Variants in INPP5A observed in about 807,000 individuals in gnomAD.
INPP5A encodes the protein 43 kDa inositol polyphosphate 5-phophatase.
Under a neutral mutation model 65.2 loss-of-function variants are expected in INPP5A, and 14 were observed. The ratio of observed to expected loss-of-function variants is 0.21; its 90% confidence interval spans 0.14 to 0.34. INPP5A has a LOEUF of 0.34. INPP5A is among the 10% of genes least tolerant of loss of function. INPP5A has a pLI of 1.00. For missense variants in INPP5A, 431 were observed against 545.6 expected (o/e 0.79, Z 2.09); for synonymous variants, 207 against 208.3 (o/e 0.99, Z 0.05).
chr10:132,585,853 G>A (rs933411941), intron 1 of INPP5A, among the ~76,000 whole-genome samples: 25 of 152,060 alleles, frequency 1.6e-4, no homozygotes, highest in Non-Finnish European at 1.8e-4. Context: ...GTGTCCTTTC[G>A]GGTGTCCACT....
chr10:132,604,307 G>A (rs1034110188), intron 1 of INPP5A, among the ~76,000 whole-genome samples: 2 of 149,942 alleles, frequency 1.3e-5, no homozygotes, highest in Admixed American at 1.3e-4. Flanking sequence ...TGCTGTCAGG[G>A]TCCCCTCTCT....
intron 2 of INPP5A, among the ~76,000 whole-genome samples, chr10:132,629,630 T>G (rs2072238353): frequency 6.6e-6 from 1 of 152,264 alleles, no homozygotes; most frequent in Non-Finnish European, 1.5e-5. Flanking sequence ...GCTGCGTGGT[T>G]TGGCCCTTCC....
intron 9 of INPP5A, among the ~76,000 whole-genome samples, chr10:132,739,451 C>G (rs768685993): frequency 3.3e-5 from 5 of 152,238 alleles, no homozygotes; most frequent in Non-Finnish European, 7.3e-5. Flanking sequence ...TCATCCTTAC[C>G]CTGCACCTGC....
intron 12 of INPP5A, among the ~76,000 whole-genome samples, chr10:132,775,080 G>A (rs188606734): frequency 2.7e-3 from 13 of 4,766 alleles, no homozygotes; most frequent in Non-Finnish European, 4.1e-3. Flanking sequence ...AGGGGCAGGG[G>A]GGAGGGGCAG....
intron 12 of INPP5A, among the ~76,000 whole-genome samples, chr10:132,769,238 T>C (rs1034188929): frequency 2.6e-5 from 4 of 152,242 alleles, no homozygotes; most frequent in African/African-American, 9.6e-5. Flanking sequence ...AAGGTGCTAA[T>C]ATTTCAGACA....
At chr10:132,567,880 T>G (rs2071291147) in intron 1 of INPP5A, among the ~76,000 whole-genome samples, 1 of 152,112 alleles carries the variant, frequency 6.6e-6, no homozygotes, top group Non-Finnish European at 1.5e-5. Context: ...TTACCACATC[T>G]GGCAAAAAAT....
intron 5 of INPP5A, among the ~76,000 whole-genome samples, chr10:132,690,812 A>T (rs1435617581): frequency 1.3e-5 from 2 of 152,200 alleles, no homozygotes; most frequent in African/African-American, 4.8e-5. Context: ...CCCTGCCGTG[A>T]ACAGCATCCC....
chr10:132,782,176 C>A lies in INPP5A; in HGVS notation c.*147C>A. The A allele has an allele frequency of 7.4e-7, 1 of 1,343,960 alleles. No homozygotes were observed. Among genetic ancestry groups the A allele is most frequent in the Non-Finnish European group, 1.0e-6 (1 of 972,046 alleles). The allele number at this position is 1,343,960 out of a possible 1,614,324, so 83.3% of individuals were successfully genotyped here. A position where few individuals can be genotyped will look rare whatever the true frequency, so the allele number is the denominator to read the frequency against. ...GGCCAGCCCCACACTTCGCTTCAGC[C>A]TCCGGACCATTCCGGAGCAGCCTCA... is the stretch of plus-strand genomic sequence containing the variant. On this transcript the variant is annotated 3_prime_UTR_variant, in exon 16 of 16. Transcript: ENST00000368594. The surrounding 1 kb of genome is among the most constrained non-coding windows in gnomAD (Gnocchi z 4.4).
intron 1 of INPP5A, among the ~76,000 whole-genome samples, chr10:132,605,550 C>T (rs1398969862): frequency 6.6e-6 from 1 of 151,808 alleles, no homozygotes; most frequent in African/African-American, 2.4e-5. Flanking sequence ...GGAAGTGACA[C>T]AGTGGCACTG....
intron 1 of INPP5A, among the ~76,000 whole-genome samples, chr10:132,601,072 C>T (rs2485639): frequency 0.25 from 37,482 of 152,150 alleles, 5,463 homozygotes; most frequent in East Asian, 0.5. Context: ...TTCTTCATAG[C>T]GATGGCACCA....
chr10:132,775,491 C>T (rs1591006920), intron 12 of INPP5A, among the ~76,000 whole-genome samples: 2 of 152,128 alleles, frequency 1.3e-5, no homozygotes, highest in Non-Finnish European at 2.9e-5. Context: ...GTGCAGTCCA[C>T]ACTGGCCTTC....
At chr10:132,754,833 T>C (rs1003501771) in intron 11 of INPP5A, among the ~76,000 whole-genome samples, 11 of 152,242 alleles carry the variant, frequency 7.2e-5, no homozygotes, top group African/African-American at 2.7e-4. Context: ...ACAACTTGCC[T>C]TGGGGTTGTT....
rs868770296 is a variant in INPP5A at position 132,753,128 on chromosome 10, C to A, written c.903+3283C>A. ...TTGGGGCCTGGGACGACGGCACCTT[C>A]GGGAACGCCCCATGGGTTCCTGCTG... On this transcript the variant is annotated intron_variant, in intron 11 of 15. Coordinates refer to ENST00000368594, the MANE Select transcript of INPP5A (RefSeq NM_005539.5). This position sits in a 1 kb window ranked among gnomAD's most constrained non-coding sequence, Gnocchi z 5.3. Among the ~76,000 whole-genome samples, 6 of 152,184 alleles carry A rather than the reference C, an allele frequency of 3.9e-5. No homozygotes were observed. The highest frequency in any genetic ancestry group is 1.4e-4 in the African/African-American group (6 of 41,444).
intron 4 of INPP5A, among the ~76,000 whole-genome samples, chr10:132,668,796 T>C (rs1281051899): frequency 6.6e-6 from 1 of 152,224 alleles, no homozygotes; most frequent in East Asian, 1.9e-4. Flanking sequence ...TTGACCGTGC[T>C]CTGGGTTTGG....
intron 2 of INPP5A, among the ~76,000 whole-genome samples, chr10:132,635,637 C>T (rs1027408333): frequency 9.2e-5 from 14 of 151,542 alleles, no homozygotes; most frequent in South Asian, 8.3e-4. Context: ...CCTCGTGACC[C>T]GCCCTCCTCA....
At chr10:132,552,515 G>A (rs2071068661) in intron 1 of INPP5A, among the ~76,000 whole-genome samples, 1 of 136,796 alleles carries the variant, frequency 7.3e-6, no homozygotes, top group Admixed American at 7.1e-5. Flanking sequence ...TAGGGAGGGA[G>A]GATTGGTGAA....
intron 4 of INPP5A, among the ~76,000 whole-genome samples, chr10:132,687,671 G>A (rs1034236817): frequency 6.6e-6 from 1 of 152,232 alleles, no homozygotes. Context: ...GGGCTGGGAG[G>A]CCCATGGTTA....
rs73399368 is a variant in INPP5A, at chr10:132,601,349, T to C, written c.76-6566T>C. On this transcript the variant is annotated intron_variant, in intron 1 of 15. Transcript: ENST00000368594. ...TCTTCCTATTTTTAATGGGGTTGTA[T>C]GTCCTTTTGTTGTTGAGTTGTAGAA... Among the ~76,000 whole-genome samples the C allele has an allele frequency of 2.8e-3, 433 of 152,348 alleles. 2 individuals are homozygous for C. Among genetic ancestry groups the C allele is most frequent in the African/African-American group, 1.0e-2 (414 of 41,582 alleles).
chr10:132,742,918 G>A (rs1217115988), intron 9 of INPP5A, among the ~76,000 whole-genome samples: 2 of 152,200 alleles, frequency 1.3e-5, no homozygotes, highest in East Asian at 1.9e-4. Context: ...CTTTTCAGAT[G>A]TTCCTACGAA....
Sources: gnomAD v4.1 joint callset for allele counts (sites outside exome capture counted in the v4.1 genomes callset) on GRCh38, gnomAD v4.1.1 for gene constraint, Gnocchi (gnomAD v3.1) non-coding constraint, MANE v1.5 for transcripts, NCBI Gene and HGNC (gene_info 2026-07-23, HGNC 2026-07-21) for gene names.